Variants in INTS1 observed in about 807,000 individuals in gnomAD.
INTS1 encodes the protein integrator complex subunit 1.
A neutral mutation model predicts 241.6 loss-of-function variants in INTS1; 137 were observed. The ratio of observed to expected loss-of-function variants is 0.57; its 90% CI spans 0.49 to 0.65. INTS1 has a LOEUF of 0.65. Ranked by LOEUF, INTS1 falls within the 30% of genes least tolerant of loss-of-function variation. The pLI is 0.00. For synonymous variants in INTS1, 1,692 were observed against 1,337.8 expected (o/e 1.26, Z -5.78); for missense variants, 3,073 against 3,032.2 (o/e 1.01, Z -0.32).
At position 1,473,436 on chromosome 7, in the gene INTS1, C is replaced by T. The variant is rs1055038109; in HGVS notation, c.5957+130G>A. Reference sequence around the variant, plus strand: ...CCTCTGCGCCCTGGGATGAGCACCACGCTCAGCAGCCCTCCCCGGCCTCAG... The same window carrying T: ...CCTCTGCGCCCTGGGATGAGCACCATGCTCAGCAGCCCTCCCCGGCCTCAG... On this transcript the variant is annotated intron_variant, in intron 42 of 47. Coordinates refer to ENST00000404767, the MANE Select transcript of INTS1 (RefSeq NM_001080453.3). 4.9e-5 allele frequency: 59 copies of T among 1,206,402 alleles called. No individual in the cohort carries two copies. In the Admixed American group the frequency reaches 6.3e-4, roughly 13 times the overall value. 74.7% of individuals were successfully genotyped at this position (1,206,402 alleles called of 1,614,324 possible).
chr7:1,494,406 C>CGTAT, intron 14 of INTS1: 1 of 277,762 alleles, frequency 3.6e-6, no homozygotes. Flanking sequence ...ACGGGGTCAC[C>CGTAT]CATGGGGCTT....
chr7:1,475,338 T>C (rs1781661824), intron 39 of INTS1, among the ~76,000 whole-genome samples: 1 of 152,082 alleles, frequency 6.6e-6, no homozygotes, highest in Admixed American at 6.6e-5. Flanking sequence ...TGAGCTATGA[T>C]GGTACCGCTG....
At chr7:1,479,791 C>T (rs1029423962) in intron 30 of INTS1, 107 bp from the exon 31 acceptor site, 10 of 1,226,912 alleles carry the variant, frequency 8.2e-6, no homozygotes, top group Admixed American at 6.2e-5. Flanking sequence ...CGCGTCCCAT[C>T]GTGTCCCTGT....
chr7:1,488,738 C>T (rs141105546), intron 18 of INTS1, among the ~76,000 whole-genome samples: 6 of 152,340 alleles, frequency 3.9e-5, no homozygotes, highest in African/African-American at 1.4e-4. Flanking sequence ...GGTGCCCTCA[C>T]TGGTGAGATA....
intron 10 of INTS1, among the ~76,000 whole-genome samples, chr7:1,498,145 T>C (rs1490343533): frequency 1.3e-5 from 2 of 152,228 alleles, no homozygotes; most frequent in African/African-American, 4.8e-5. Flanking sequence ...CTCAGAAACC[T>C]GGGTGGCTTT....
chr7:1,482,822 G>T, intron 26 of INTS1, 115 bp from the exon 27 acceptor site: 1 of 1,277,320 alleles, frequency 7.8e-7, no homozygotes, highest in Non-Finnish European at 1.1e-6. Flanking sequence ...TGAGACTTGG[G>T]AGGAGCACGG....
rs1782192692 is a variant in INTS1 at position 1,485,140 on chromosome 7, G to A, written c.3219C>T (p.His1073=). The A allele has an allele frequency of 1.9e-6, 3 of 1,601,146 alleles. No individual in the cohort carries two copies. The African/African-American group carries it at 4.0e-5, about 21-fold the overall frequency. ...ISAYLIYLSQ[H]TPVEEQAQHS... ...GCTGGGCCTGCTCCTCCACAGGCGT[G>A]TGCTGGGACAAGTAGATCAGGTAGG... The change falls in exon 24 of 48, where the codon CAC becomes CAT. Residue 1073 remains histidine, a synonymous_variant. Coordinates refer to ENST00000404767, the MANE Select transcript of INTS1 (RefSeq NM_001080453.3).
chr7:1,497,574 G>A lies in INTS1; in HGVS notation c.1426-260C>T, dbSNP rs1782923515. 1.3e-5 allele frequency among the ~76,000 whole-genome samples: 2 copies of A among 152,278 alleles called. No homozygotes were observed. The highest frequency in any genetic ancestry group is 2.4e-5 in the African/African-American group (1 of 41,572). On this transcript the variant is annotated intron_variant, in intron 10 of 47. Coordinates refer to ENST00000404767, the MANE Select transcript of INTS1 (RefSeq NM_001080453.3). The surrounding 1 kb of genome is among the most constrained non-coding windows in gnomAD (Gnocchi z 5.3). ...TGAGGAGGATTAATTAACGGAAGCT[G>A]GGGGTGCGGGACACCAGGCGGCAAA... is the stretch of plus-strand genomic sequence containing the variant.
chr7:1,499,701 G>A, intron 5 of INTS1, 69 bp from the exon 6 acceptor site: 17 of 1,519,676 alleles, frequency 1.1e-5, no homozygotes, highest in Admixed American at 2.0e-5. Flanking sequence ...ACACCCGCCT[G>A]CTGCCCGGGG....
In INTS1 at chr7:1,487,417, A is replaced by G. The variant is rs1396631945; in HGVS notation, c.2549T>C (p.Leu850Pro). ...CTGGTTGAGGCTTTTCACTTGATCC[A>G]GGATGTGAGGGGGAGGCCTCCGGGG... ...GPPRRPPPHI[L>P]DQVKSLNQSL... Residue 850 changes from leucine (L) to proline (P), a missense_variant, in exon 20 of 48, where the codon CTG (leucine) becomes CCG (proline). Coordinates refer to ENST00000404767, the MANE Select transcript of INTS1 (RefSeq NM_001080453.3). 25 of 1,612,030 alleles carry G rather than the reference A, an allele frequency of 1.6e-5. No individual in the cohort carries two copies. The highest frequency in any genetic ancestry group is 1.9e-5 in the Non-Finnish European group (23 of 1,179,528).
At chr7:1,473,510 C>T in intron 42 of INTS1, 56 bp downstream of exon 42, 5 of 1,546,406 alleles carry the variant, frequency 3.2e-6, no homozygotes, top group Non-Finnish European at 3.5e-6. Flanking sequence ...ACCCTCCAGA[C>T]CCCGCTGGAC....
At position 1,486,642 on chromosome 7, in the gene INTS1, G is replaced by A. The variant is rs752256690; in HGVS notation, c.2959C>T (p.Arg987Cys). 10 of 1,611,690 alleles carry A rather than the reference G, an allele frequency of 6.2e-6. No homozygotes were observed. The highest frequency in any genetic ancestry group is 2.2e-5 in the South Asian group (2 of 90,862). The change falls in exon 22 of 48, where the codon CGC becomes TGC. Residue 987 changes from arginine (R) to cysteine (C), a missense_variant. Arg to Cys is a radical substitution (Grantham distance 180, BLOSUM62 -3). Coordinates refer to ENST00000404767, the MANE Select transcript of INTS1 (RefSeq NM_001080453.3). ...CACCTCACCTTCATGGCCAGCACGC[G>A]GGAGGCCACCTGGGAGGAGCCGAGG... Reference protein sequence around the residue: ...RRLGSSQVASRVLAMKGLSLV... With the variant: ...RRLGSSQVASCVLAMKGLSLV...
Position 1,488,176 on chromosome 7 carries a change from G to A in INTS1, c.2319-219C>T, listed in dbSNP as rs562489819. On this transcript the variant is annotated intron_variant, in intron 18 of 47. Coordinates refer to ENST00000404767, the MANE Select transcript of INTS1 (RefSeq NM_001080453.3). ...AGAGGCGCGGTCCAGCCACTGCCTC[G>A]TCCTCCGCAGGCAGCACGCCTGCCC... Among the ~76,000 whole-genome samples, 6 of 152,278 alleles carry A rather than the reference G, an allele frequency of 3.9e-5. No individual in the cohort carries two copies. The South Asian group carries it at 6.2e-4, about 16-fold the overall frequency.
At chr7:1,491,495 AAC>A (rs904450797) in intron 16 of INTS1, among the ~76,000 whole-genome samples, 8 of 152,350 alleles carry the variant, frequency 5.3e-5, no homozygotes, top group Admixed American at 2.0e-4. Flanking sequence ...CTTGACAGAA[AAC>A]ACAGAATTAA....
intron 13 of INTS1, 114 bp downstream of exon 13, chr7:1,495,319 C>G: frequency 7.9e-7 from 1 of 1,267,040 alleles, no homozygotes; most frequent in Non-Finnish European, 1.1e-6. Context: ...AGGGGCTGTG[C>G]GGGGCCTGGC....
intron 27 of INTS1, 31 bp downstream of exon 27, chr7:1,482,515 A>G (rs1276868033): frequency 1.9e-6 from 3 of 1,568,910 alleles, no homozygotes; most frequent in Non-Finnish European, 2.6e-6. Context: ...CTGAGTCAGC[A>G]GCCCCTGCCC....
intron 11 of INTS1, among the ~76,000 whole-genome samples, chr7:1,496,918 GT>G (rs1363367975): frequency 1.3e-5 from 2 of 152,158 alleles, no homozygotes; most frequent in Non-Finnish European, 2.9e-5. Flanking sequence ...GGGGTTGCCA[GT>G]TCCCCTGTGC....
At chr7:1,483,618 G>C in intron 26 of INTS1, 124 bp downstream of exon 26, 1 of 749,460 alleles carries the variant, frequency 1.3e-6, no homozygotes, top group Non-Finnish European at 2.3e-6. Context: ...CCAGGACACA[G>C]GGTTGAAGGG....
At chr7:1,482,741 A>C (rs1583115959) in intron 26 of INTS1, 34 bp from the exon 27 acceptor site, 3 of 1,606,712 alleles carry the variant, frequency 1.9e-6, no homozygotes, top group Middle Eastern at 1.7e-4. Context: ...CAGCCTTCAG[A>C]CCCACCGGGG....
Sources: allele counts gnomAD v4.1 joint callset (sites outside exome capture counted in the v4.1 genomes callset), GRCh38; gene constraint gnomAD v4.1.1; non-coding constraint Gnocchi (gnomAD v3.1); transcripts MANE v1.5; gene names NCBI Gene and HGNC (gene_info 2026-07-23, HGNC 2026-07-21).